The following DDX11 variants were observed in gnomAD, a reference collection of about 807,000 sequenced individuals.
DDX11 encodes ATP-dependent DNA helicase DDX11.
In DDX11, 72 loss-of-function variants were observed where a neutral mutation model predicts 125.2. That is an observed-to-expected ratio of 0.58 (90% confidence interval 0.48 to 0.70). The LOEUF is 0.70. Among genes scored for constraint, DDX11 ranks in the 30% least tolerant of loss-of-function variants. The pLI is 0.00. For missense variants in DDX11, 883 were observed against 1,165.0 expected (o/e 0.76, Z 3.52); for synonymous variants, 347 against 452.6 (o/e 0.77, Z 2.96).
rs766080040 is a variant in DDX11, at chr12:31,094,631, A to C, written c.1411A>C (p.Thr471Pro). ...QNPNTQSLSQTGTELKTINDF... is the reference protein window; with the variant it reads ...QNPNTQSLSQPGTELKTINDF... Reference sequence around the variant, plus strand: ...TCCCAATACACAGAGTCTGTCACAGACAGGTAAGAGAGTTGCCCTCAGAGG... The same window carrying C: ...TCCCAATACACAGAGTCTGTCACAGCCAGGTAAGAGAGTTGCCCTCAGAGG... Residue 471 changes from threonine to proline, a missense_variant, in exon 13 of 27, where the codon ACA (threonine) becomes CCA (proline). Physicochemically the swap from Thr to Pro is conservative, Grantham distance 38. Transcript: ENST00000542838. The C allele has an allele frequency of 1.9e-6, 3 of 1,566,670 alleles. No homozygotes were observed.
At chr12:31,078,840 G>A (rs1387600730) in intron 2 of DDX11, among the ~76,000 whole-genome samples, 3 of 151,908 alleles carry the variant, frequency 2.0e-5, no homozygotes, top group African/African-American at 4.8e-5. Flanking sequence ...GGTGCCCGCC[G>A]CCACGCCCGG....
At chr12:31,084,906 G>T in intron 4 of DDX11, 63 bp from the exon 5 acceptor site, 1 of 1,548,416 alleles carries the variant, frequency 6.5e-7, no homozygotes, top group Non-Finnish European at 8.8e-7. Flanking sequence ...TCTGGCATGT[G>T]GGGAGGTGGG....
At chr12:31,097,839 G>A in intron 17 of DDX11, 46 bp from the exon 18 acceptor site, 1 of 1,153,974 alleles carries the variant, frequency 8.7e-7, no homozygotes, top group Non-Finnish European at 1.3e-6. Context: ...GACGACAGAA[G>A]TGTCTGTTGG....
intron 2 of DDX11, among the ~76,000 whole-genome samples, chr12:31,081,107 T>C (rs1375630940): frequency 2.6e-5 from 4 of 152,218 alleles, no homozygotes; most frequent in Non-Finnish European, 5.9e-5. Context: ...ATCTCAGTCT[T>C]CTGCACTCCA....
intron 18 of DDX11, among the ~76,000 whole-genome samples, chr12:31,098,527 A>G (rs973900702): frequency 7.9e-5 from 12 of 151,996 alleles, no homozygotes; most frequent in African/African-American, 2.9e-4. Context: ...GATATATAGC[A>G]TTTCATGTAG....
At position 31,101,140 on chromosome 12, in the gene DDX11, A is replaced by G; in HGVS notation, c.2052+10A>G. On this transcript the variant is annotated intron_variant, in intron 20 of 26. Transcript: ENST00000542838. ...AGAGCTGCCTCAGATGGTCAGTCCC[A>G]GCCAGCTCGCCGCACCACAGCCTGG... 1 of 1,613,224 alleles carries G rather than the reference A, an allele frequency of 6.2e-7. No homozygotes were observed.
chr12:31,096,742 G>A lies in DDX11; in HGVS notation c.1627G>A (p.Glu543Lys). Residue 543 changes from glutamate (E) to lysine (K), a missense_variant, in exon 16 of 27, where the codon GAA becomes AAA. This residue lies in a region of DDX11 where 241 missense variants were observed against 279.7 expected (regional missense o/e 0.86). Transcript: ENST00000542838. Reference sequence around the variant, plus strand: ...GCAGAGCCTGCAGCCCAGGACGACTGAAGGTGAGGCAGGAGGGTGGGCAGG... The same window carrying A: ...GCAGAGCCTGCAGCCCAGGACGACTAAAGGTGAGGCAGGAGGGTGGGCAGG... Reference protein sequence around the residue: ...FLQSLQPRTTEALAAPADESQ... With the variant: ...FLQSLQPRTTKALAAPADESQ... 3 of 1,614,204 alleles carry A rather than the reference G, an allele frequency of 1.9e-6. No individual in the cohort carries two copies. Among genetic ancestry groups the A allele is most frequent in the Non-Finnish European group, 2.5e-6 (3 of 1,180,048 alleles).
intron 20 of DDX11, chr12:31,101,607 A>G (rs1946392548): frequency 1.7e-6 from 1 of 595,550 alleles, no homozygotes; most frequent in Non-Finnish European, 3.0e-6. Context: ...TAGTGCTGTG[A>G]CATGTGTCAG....
At chr12:31,084,391 TC>T (rs1388079998) in intron 3 of DDX11, among the ~76,000 whole-genome samples, 191 bp from the exon 4 acceptor site, 1 of 152,160 alleles carries the variant, frequency 6.6e-6, no homozygotes, top group Non-Finnish European at 1.5e-5. Context: ...TGTGCCGCCT[TC>T]CGCAGTGAGC....
rs1327338160 is a variant in DDX11, at chr12:31,090,032, C to T, written c.1027C>T (p.Leu343Phe). ...EVKDMEQLLA[L>F]GKEARACPYY... is the part of the protein sequence containing the mutation. ...GAAGGACATGGAGCAGCTGCTGGCC[C>T]TTGGGAAGGAGGCCCGGGCCTGTCC... The change falls in exon 9 of 27, where the codon CTT becomes TTT. Residue 343 changes from leucine to phenylalanine, a missense_variant. Leu to Phe is a conservative substitution (Grantham distance 22, BLOSUM62 0). This residue lies in a region of DDX11 where 72 missense variants were observed against 159.7 expected (regional missense o/e 0.45). Transcript: ENST00000542838. The T allele has an allele frequency of 7.7e-6, 12 of 1,556,428 alleles. No individual in the cohort carries two copies. The Admixed American group carries it at 1.7e-4, about 23-fold the overall frequency.
At chr12:31,100,583 G>A (rs1946189969) in intron 18 of DDX11, 52 bp from the exon 19 acceptor site, 1 of 1,512,168 alleles carries the variant, frequency 6.6e-7, no homozygotes, top group Non-Finnish European at 9.0e-7. Context: ...CTTCCTTTCT[G>A]CTGGGCCTCT....
intron 1 of DDX11, among the ~76,000 whole-genome samples, chr12:31,075,575 G>A (rs1350968857): frequency 2.0e-5 from 3 of 151,868 alleles, no homozygotes; most frequent in South Asian, 2.1e-4. Flanking sequence ...ATCTGAAAAC[G>A]GTTTGAAACC....
intron 11 of DDX11, 21 bp downstream of exon 11, chr12:31,092,913 G>A: frequency 1.2e-6 from 2 of 1,613,966 alleles, no homozygotes; most frequent in Non-Finnish European, 1.7e-6. Flanking sequence ...ACCCTCTGAG[G>A]TAGTGGGACA....
At position 31,096,743 on chromosome 12, in the gene DDX11, A is replaced by G; in HGVS notation, c.1628A>G (p.Glu543Gly). The stretch of plus-strand genomic sequence containing the variant: ...CAGAGCCTGCAGCCCAGGACGACTG[A>G]AGGTGAGGCAGGAGGGTGGGCAGGC... ...FLQSLQPRTT[E>G]ALAAPADESQ... is the part of the protein sequence containing the mutation. Residue 543 changes from glutamate to glycine, a missense_variant and splice_region_variant, in exon 16 of 27, where the codon GAA becomes GGA. This residue lies in a region of DDX11 where 241 missense variants were observed against 279.7 expected (regional missense o/e 0.86). Coordinates refer to ENST00000542838, the MANE Select transcript of DDX11 (RefSeq NM_030653.4). 6.2e-7 allele frequency: 1 copy of G among 1,614,130 alleles called. No homozygotes were observed. The highest frequency in any genetic ancestry group is 8.5e-7 in the Non-Finnish European group (1 of 1,180,012).
chr12:31,102,800 CAG>C (rs1407717889), intron 23 of DDX11, 134 bp from the exon 24 acceptor site: 1 of 800,392 alleles, frequency 1.2e-6, no homozygotes, highest in Admixed American at 2.0e-5. Context: ...GTGGTAGGTA[CAG>C]AGTGGAGAGA....
Position 31,100,723 on chromosome 12 carries a change from C to T in DDX11, c.1948+16C>T, listed in dbSNP as rs961865981. On this transcript the variant is annotated intron_variant, in intron 19 of 26. Coordinates refer to ENST00000542838, the MANE Select transcript of DDX11 (RefSeq NM_030653.4). The stretch of plus-strand genomic sequence containing the variant: ...TTTTCCTGTGGTGAGAAGCTGTGCC[C>T]AGGGTGGGGCAGGCTAGAGGTCAGG... 56 of 1,551,268 alleles carry T rather than the reference C, an allele frequency of 3.6e-5. No homozygotes were observed. Among genetic ancestry groups the T allele is most frequent in the Admixed American group, 1.2e-4 (6 of 50,984 alleles).
intron 5 of DDX11, among the ~76,000 whole-genome samples, chr12:31,086,568 C>T (rs548122907): frequency 6.6e-6 from 1 of 152,268 alleles, no homozygotes; most frequent in Non-Finnish European, 1.5e-5. Context: ...ACCCTTCCTG[C>T]CCGCCTCCGA....
chr12:31,078,033 A>G (rs2553163), intron 1 of DDX11: 1 of 406,910 alleles, frequency 2.5e-6, no homozygotes, highest in African/African-American at 2.1e-5. Context: ...AAGTCATTAT[A>G]AGCAACACCC....
chr12:31,083,180 G>A (rs1459884988), intron 2 of DDX11, among the ~76,000 whole-genome samples: 1 of 152,074 alleles, frequency 6.6e-6, no homozygotes, highest in East Asian at 1.9e-4. Context: ...GCACACCTAT[G>A]GTCCCAGCCA....
Sources: gnomAD v4.1 joint callset for allele counts (sites outside exome capture counted in the v4.1 genomes callset) on GRCh38, gnomAD v4.1.1 for gene constraint, gnomAD v4.1.1 regional missense constraint, MANE v1.5 for transcripts, NCBI Gene and HGNC (gene_info 2026-07-23, HGNC 2026-07-21) for gene names.